The following CYP1A2 variants were observed in gnomAD, a reference collection of about 807,000 sequenced individuals.
The protein encoded by CYP1A2 is cytochrome P450 1A2.
CYP1A2 carries 35 observed loss-of-function variants against 34.7 expected under a neutral mutation model. The ratio of observed to expected loss-of-function variants is 1.01; its 90% CI spans 0.77 to 1.34. CYP1A2 has a LOEUF of 1.34. Among genes scored for constraint, CYP1A2 ranks in the 40% most tolerant of loss-of-function variants. CYP1A2 has a pLI of 0.00. For synonymous variants in CYP1A2, 288 were observed against 281.9 expected (o/e 1.02, Z -0.22); for missense variants, 675 against 675.8 (o/e 1.00, Z 0.01).
Position 74,755,136 on chromosome 15 carries a change from C to G in CYP1A2, c.*48C>G, listed in dbSNP as rs765991934. The G allele has an allele frequency of 2.5e-6, 4 of 1,571,690 alleles. No individual in the cohort carries two copies. In the East Asian group the frequency reaches 9.0e-5, roughly 36 times the overall value. ...CCAGGGAGCGAGTGGGGGCCAGCCA[C>G]GGGGACTCAGCCCTTGTTTCTCTTC... On this transcript the variant is annotated 3_prime_UTR_variant, in exon 7 of 7. Coordinates refer to ENST00000343932, the MANE Select transcript of CYP1A2 (RefSeq NM_000761.5).
intron 6 of CYP1A2, among the ~76,000 whole-genome samples, chr15:74,754,113 A>T: frequency 6.6e-6 from 1 of 152,272 alleles, no homozygotes; most frequent in East Asian, 1.9e-4. Context: ...TATGTGGTCC[A>T]GGCTGGTTTT....
At position 74,749,936 on chromosome 15, in the gene CYP1A2, A is replaced by G; in HGVS notation, c.198A>G (p.Ser66=). 1.2e-6 allele frequency: 2 copies of G among 1,613,008 alleles called. No homozygotes were observed. The highest frequency in any genetic ancestry group is 1.7e-6 in the Non-Finnish European group (2 of 1,179,164). ...TLGKNPHLAL[S]RMSQRYGDVL... The stretch of plus-strand genomic sequence containing the variant: ...GGAAGAACCCGCACCTGGCACTGTC[A>G]AGGATGAGCCAGCGCTACGGGGACG... The change falls in exon 2 of 7, where the codon TCA becomes TCG. Residue 66 remains serine (S), a synonymous_variant. Coordinates refer to ENST00000343932, the MANE Select transcript of CYP1A2 (RefSeq NM_000761.5).
chr15:74,750,092 T>C lies in CYP1A2; in HGVS notation c.354T>C (p.Thr118=), dbSNP rs2141736684. 1.2e-6 allele frequency: 2 copies of C among 1,614,020 alleles called. No homozygotes were observed. Among genetic ancestry groups the C allele is most frequent in the East Asian group, 2.2e-5 (1 of 44,880 alleles). ...ACCTCTACACCTCCACCCTCATCACTGATGGCCAGAGCTTGACCTTCAGCA... is the reference window on the plus strand; with the variant it reads ...ACCTCTACACCTCCACCCTCATCACCGATGGCCAGAGCTTGACCTTCAGCA... ...RPDLYTSTLI[T]DGQSLTFSTD... The change falls in exon 2 of 7, where the codon ACT becomes ACC. Residue 118 remains threonine, a synonymous_variant. Coordinates refer to ENST00000343932, the MANE Select transcript of CYP1A2 (RefSeq NM_000761.5).
chr15:74,751,132 C>T (rs541042089), intron 2 of CYP1A2, 57 bp from the exon 3 acceptor site: 57 of 1,602,928 alleles, frequency 3.6e-5, no homozygotes, highest in Non-Finnish European at 4.0e-5. Flanking sequence ...AGTGGAGCAA[C>T]GTTCAGCCTT....
chr15:74,752,529 C>T (rs1007638434), intron 5 of CYP1A2, among the ~76,000 whole-genome samples: 3 of 152,294 alleles, frequency 2.0e-5, no homozygotes, highest in Admixed American at 6.5e-5. Context: ...AAGCATGACC[C>T]TATTGGCCTC....
chr15:74,751,352 G>C (rs2063314793), intron 3 of CYP1A2, 43 bp downstream of exon 3: 12 of 1,610,464 alleles, frequency 7.5e-6, no homozygotes, highest in Non-Finnish European at 9.3e-6. Flanking sequence ...AATGCCTGCT[G>C]TTCACCCACA....
intron 3 of CYP1A2, 53 bp from the exon 4 acceptor site, chr15:74,751,712 G>C: frequency 6.5e-7 from 1 of 1,547,590 alleles, no homozygotes; most frequent in Non-Finnish European, 8.9e-7. Context: ...GGGAAATGAT[G>C]GTTTCCTTGT....
intron 6 of CYP1A2, among the ~76,000 whole-genome samples, chr15:74,753,716 G>A (rs906960142): frequency 2.0e-5 from 3 of 147,442 alleles, no homozygotes; most frequent in South Asian, 2.2e-4. Flanking sequence ...CCTGGGTGAC[G>A]GAGTGAGACT....
At chr15:74,751,672 T>C (rs2063316049) in intron 3 of CYP1A2, 93 bp from the exon 4 acceptor site, 2 of 1,268,352 alleles carry the variant, frequency 1.6e-6, no homozygotes, top group African/African-American at 3.0e-5. Flanking sequence ...CAGAGAAAGC[T>C]AATGCTGGAT....
At position 74,749,920 on chromosome 15, in the gene CYP1A2, C is replaced by T. The variant is rs761818825; in HGVS notation, c.182C>T (p.Pro61Leu). Residue 61 changes from proline to leucine, a missense_variant, in exon 2 of 7, where the codon CCG becomes CTG. Transcript: ENST00000343932. ...LGHVLTLGKNPHLALSRMSQR... is the reference protein window; with the variant it reads ...LGHVLTLGKNLHLALSRMSQR... Reference sequence around the variant, plus strand: ...CATGTGCTGACCCTGGGGAAGAACCCGCACCTGGCACTGTCAAGGATGAGC... The same window carrying T: ...CATGTGCTGACCCTGGGGAAGAACCTGCACCTGGCACTGTCAAGGATGAGC... 23 of 1,610,674 alleles carry T rather than the reference C, an allele frequency of 1.4e-5. No individual in the cohort carries two copies. Among genetic ancestry groups the T allele is most frequent in the African/African-American group, 5.3e-5 (4 of 74,860 alleles).
intron 6 of CYP1A2, 25 bp from the exon 7 acceptor site, chr15:74,754,766 C>T: frequency 6.3e-7 from 1 of 1,596,744 alleles, no homozygotes. Flanking sequence ...GCCCTGAGGT[C>T]CCATCTCCTC....
intron 5 of CYP1A2, among the ~76,000 whole-genome samples, chr15:74,752,597 A>G (rs1405758723): frequency 1.3e-5 from 2 of 151,974 alleles, no homozygotes; most frequent in Non-Finnish European, 2.9e-5. Context: ...TTCTCTGACC[A>G]CCAGAATCCT....
intron 4 of CYP1A2, 73 bp from the exon 5 acceptor site, chr15:74,752,051 G>T: frequency 6.3e-7 from 1 of 1,593,444 alleles, no homozygotes. Flanking sequence ...GAGTGACATG[G>T]GGTATAAGAG....
In CYP1A2 at chr15:74,755,346, A is replaced by C. The variant is rs1406999548; in HGVS notation, c.*258A>C. The C allele has an allele frequency of 1.6e-5, 5 of 312,578 alleles. No individual in the cohort carries two copies. The highest frequency in any genetic ancestry group is 2.8e-5 in the Non-Finnish European group (5 of 179,106). The allele number at this position is 312,578 out of a possible 1,614,324, so 19.4% of individuals were successfully genotyped here. A position where few individuals can be genotyped will look rare whatever the true frequency, so the allele number is the denominator to read the frequency against. The stretch of plus-strand genomic sequence containing the variant: ...AGCCTGAGTGACAGAGCAAGACCCC[A>C]TCTCAAAAAAAAAAACAAACAAACA... On this transcript the variant is annotated 3_prime_UTR_variant, in exon 7 of 7. Coordinates refer to ENST00000343932, the MANE Select transcript of CYP1A2 (RefSeq NM_000761.5).
chr15:74,750,507 A>T lies in CYP1A2; in HGVS notation c.769A>T (p.Asn257Tyr), dbSNP rs561167723. Residue 257 changes from asparagine (N) to tyrosine (Y), a missense_variant, in exon 2 of 7, where the codon AAC (asparagine) becomes TAC (tyrosine). Coordinates refer to ENST00000343932, the MANE Select transcript of CYP1A2 (RefSeq NM_000761.5). The part of the protein sequence containing the change: ...NPALQRFKAF[N>Y]QRFLWFLQKT... ...TGCCCTGCAGAGGTTCAAGGCCTTC[A>T]ACCAGAGGTTCCTGTGGTTCCTGCA... The T allele has an allele frequency of 6.2e-7, 1 of 1,614,182 alleles. No homozygotes were observed. Among genetic ancestry groups the T allele is most frequent in the African/African-American group, 1.3e-5 (1 of 75,036 alleles).
Position 74,755,362 on chromosome 15 carries a change from CA to C in CYP1A2, c.*277del, listed in dbSNP as rs1248862345. The stretch of plus-strand genomic sequence containing the variant: ...CAAGACCCCATCTCAAAAAAAAAAA[CA>C]AACAAACAAAAAAAAAACCATATAT... On this transcript the variant is annotated 3_prime_UTR_variant, in exon 7 of 7. Coordinates refer to ENST00000343932, the MANE Select transcript of CYP1A2 (RefSeq NM_000761.5). 2.4e-4 allele frequency: 56 copies of C among 237,020 alleles called. No individual in the cohort carries two copies. The East Asian group carries it at 5.5e-3, about 23-fold the overall frequency. 14.7% of individuals were successfully genotyped at this position (237,020 alleles called of 1,614,324 possible).
In CYP1A2 at chr15:74,753,268, C is replaced by G; in HGVS notation, c.1251C>G (p.Asp417Glu). The G allele has an allele frequency of 6.2e-7, 1 of 1,613,396 alleles. No homozygotes were observed. Among genetic ancestry groups the G allele is most frequent in the Non-Finnish European group, 8.5e-7 (1 of 1,179,446 alleles). The change falls in exon 6 of 7, where the codon GAC (aspartate) becomes GAG (glutamate). Residue 417 changes from aspartate (D) to glutamate (E), a missense_variant and splice_region_variant. Physicochemically the swap from Asp to Glu is conservative, Grantham distance 45. Coordinates refer to ENST00000343932, the MANE Select transcript of CYP1A2 (RefSeq NM_000761.5). ...TAAACCAGTGGCAGGTCAACCATGA[C>G]CCGTGAGTACATACCCCTCACGAAA... ...VFVNQWQVNHDPELWEDPSEF... is the reference protein window; with the variant it reads ...VFVNQWQVNHEPELWEDPSEF...
rs1337272545 is a variant in CYP1A2, at chr15:74,751,126, G to T, written c.832-63G>T. The T allele has an allele frequency of 3.8e-6, 6 of 1,598,600 alleles. No individual in the cohort carries two copies. In the East Asian group the frequency reaches 1.1e-4, roughly 30 times the overall value. On this transcript the variant is annotated intron_variant, in intron 2 of 6. Coordinates refer to ENST00000343932, the MANE Select transcript of CYP1A2 (RefSeq NM_000761.5). ...CCACCAGGTACAGGCCAGGGGAGTG[G>T]AGCAACGTTCAGCCTTTGACCTTGG...
Position 74,751,329 on chromosome 15 carries a change from C to G in CYP1A2, c.952+20C>G. 6.2e-7 allele frequency: 1 copy of G among 1,613,320 alleles called. No individual in the cohort carries two copies. Among genetic ancestry groups the G allele is most frequent in the Non-Finnish European group, 8.5e-7 (1 of 1,179,612 alleles). The stretch of plus-strand genomic sequence containing the variant: ...GAGCAGGTAGGAACCAGAACCTTGC[C>G]CCTCCATCCAACAATGCCTGCTGTT... On this transcript the variant is annotated intron_variant, in intron 3 of 6. Coordinates refer to ENST00000343932, the MANE Select transcript of CYP1A2 (RefSeq NM_000761.5).
Sources: gnomAD v4.1 joint callset for allele counts (sites outside exome capture counted in the v4.1 genomes callset) on GRCh38, gnomAD v4.1.1 for gene constraint, MANE v1.5 for transcripts, NCBI Gene and HGNC (gene_info 2026-07-23, HGNC 2026-07-21) for gene names.